AKT3: variants seen among roughly 807,000 people sequenced by gnomAD.
AKT3 encodes the protein RAC-gamma serine/threonine-protein kinase.
AKT3 carries 15 observed loss-of-function variants against 65.3 expected under a neutral mutation model. The observed-to-expected ratio is 0.23, with a 90% confidence interval of 0.15 to 0.35. AKT3 has a LOEUF of 0.35. Ranked by LOEUF, AKT3 falls within the 10% of genes least tolerant of loss-of-function variation. AKT3 has a pLI of 1.00. For missense variants in AKT3, 243 were observed against 576.5 expected (o/e 0.42, Z 5.92); for synonymous variants, 206 against 183.8 (o/e 1.12, Z -0.98).
At chr1:243,627,851 C>CT (rs767885086) in intron 6 of AKT3, among the ~76,000 whole-genome samples, 1 of 152,176 alleles carries the variant, frequency 6.6e-6, no homozygotes, top group Non-Finnish European at 1.5e-5. Context: ...GGGACTAGTG[C>CT]TAAATCCAAT....
At chr1:243,498,322 G>A (rs900235193), downstream of AKT3, among the ~76,000 whole-genome samples, 10 of 152,242 alleles carry the variant, frequency 6.6e-5, 1 homozygote, top group Admixed American at 1.3e-4. Flanking sequence ...CTAGGGCATA[G>A]TGCATGGGGT....
At chr1:243,649,414 TACAC>T (rs1681126116) in intron 4 of AKT3, among the ~76,000 whole-genome samples, 1 of 150,224 alleles carries the variant, frequency 6.7e-6, no homozygotes, top group African/African-American at 2.4e-5. Context: ...TATATACACA[TACAC>T]ACATACATAC....
intron 8 of AKT3, 102 bp from the exon 9 acceptor site, chr1:243,573,150 G>A (rs1674684232): frequency 1.5e-6 from 2 of 1,369,366 alleles, no homozygotes. Context: ...TGTGATGATA[G>A]ATAGTGTACT....
intron 6 of AKT3, among the ~76,000 whole-genome samples, chr1:243,632,709 A>G (rs185831557): frequency 6.6e-6 from 1 of 152,190 alleles, no homozygotes; most frequent in African/African-American, 2.4e-5. Flanking sequence ...TCGTGTAGTC[A>G]TCTTCACCAA....
chr1:243,672,065 C>G (rs1392325731), intron 3 of AKT3, among the ~76,000 whole-genome samples: 1 of 152,168 alleles, frequency 6.6e-6, no homozygotes, highest in Non-Finnish European at 1.5e-5. Flanking sequence ...GGATAAGTTT[C>G]AACTGATAAC....
chr1:243,644,604 T>G (rs978713250), intron 5 of AKT3, among the ~76,000 whole-genome samples: 2 of 152,218 alleles, frequency 1.3e-5, no homozygotes, highest in African/African-American at 4.8e-5. Flanking sequence ...TTAGCTACTA[T>G]TCTTTGTCCA....
chr1:243,747,299 G>A (rs1433538377), intron 2 of AKT3, among the ~76,000 whole-genome samples: 1 of 152,170 alleles, frequency 6.6e-6, no homozygotes, highest in Non-Finnish European at 1.5e-5. Flanking sequence ...AATGTCAGAA[G>A]TTTCATTTTG....
intron 2 of AKT3, among the ~76,000 whole-genome samples, chr1:243,791,948 A>G (rs953794060): frequency 6.6e-6 from 1 of 152,262 alleles, no homozygotes; most frequent in Non-Finnish European, 1.5e-5. Context: ...TAGCAAATTT[A>G]GTTAGGTTTA....
chr1:243,698,975 G>A (rs1291568829), intron 2 of AKT3, among the ~76,000 whole-genome samples: 2 of 151,628 alleles, frequency 1.3e-5, no homozygotes, highest in East Asian at 1.9e-4. Flanking sequence ...GATTTCAGGT[G>A]CCTAGCTGTT....
chr1:243,712,282 C>T (rs1406825923), intron 2 of AKT3, among the ~76,000 whole-genome samples: 1 of 152,192 alleles, frequency 6.6e-6, no homozygotes, highest in Non-Finnish European at 1.5e-5. Flanking sequence ...ATTAGAGTCA[C>T]TTGAGTAAAA....
intron 11 of AKT3, among the ~76,000 whole-genome samples, chr1:243,545,944 T>G (rs982511099): frequency 4.6e-5 from 7 of 152,154 alleles, no homozygotes; most frequent in Admixed American, 6.6e-5. Flanking sequence ...GGTGGGTCAC[T>G]GCAAGGGTTA....
intron 9 of AKT3, among the ~76,000 whole-genome samples, chr1:243,565,144 T>G (rs1674061337): frequency 6.6e-6 from 1 of 152,210 alleles, no homozygotes; most frequent in Non-Finnish European, 1.5e-5. Context: ...ACATTTCATG[T>G]ATAGCATGTC....
chr1:243,626,726 T>A (rs927669509), intron 6 of AKT3, among the ~76,000 whole-genome samples: 1 of 152,176 alleles, frequency 6.6e-6, no homozygotes, highest in African/African-American at 2.4e-5. Context: ...AGGCAATAAC[T>A]AGAAAGACAG....
chr1:243,531,092 C>CCT (rs974179127), intron 12 of AKT3, among the ~76,000 whole-genome samples: 1 of 151,878 alleles, frequency 6.6e-6, no homozygotes, highest in African/African-American at 2.4e-5. Flanking sequence ...TCTATCCATC[C>CCT]CTCTCTCTAT....
intron 2 of AKT3, among the ~76,000 whole-genome samples, chr1:243,791,606 T>C (rs897796136): frequency 6.6e-6 from 1 of 152,246 alleles, no homozygotes. Context: ...TACTTTATGT[T>C]AATGAACAGA....
intron 2 of AKT3, among the ~76,000 whole-genome samples, chr1:243,769,655 G>A (rs1690053814): frequency 1.3e-5 from 2 of 152,086 alleles, no homozygotes; most frequent in South Asian, 4.1e-4. Context: ...TCATTGTTGA[G>A]ATATAAGAAT....
chr1:243,842,401 A>G (rs989962284), intron 2 of AKT3, among the ~76,000 whole-genome samples: 1 of 152,186 alleles, frequency 6.6e-6, no homozygotes, highest in African/African-American at 2.4e-5. Flanking sequence ...TCTAAACTCT[A>G]AATTTCTAAT....
chr1:243,711,397 G>A (rs1234366908), intron 2 of AKT3, among the ~76,000 whole-genome samples: 3 of 151,952 alleles, frequency 2.0e-5, no homozygotes, highest in Non-Finnish European at 2.9e-5. Context: ...CCATACATCC[G>A]AAATACTTTT....
chr1:243,516,061 AATTTTCT>A (rs1670333780), intron 12 of AKT3, among the ~76,000 whole-genome samples: 1 of 152,204 alleles, frequency 6.6e-6, no homozygotes, highest in South Asian at 2.1e-4. Flanking sequence ...TCTCATCTTC[AATTTTCT>A]GGAATAATTT....
Sources: allele counts gnomAD v4.1 joint callset (sites outside exome capture counted in the v4.1 genomes callset), GRCh38; gene constraint gnomAD v4.1.1; transcripts MANE v1.5; gene names NCBI Gene and HGNC (gene_info 2026-07-23, HGNC 2026-07-21).